FOLR3: variants seen among roughly 807,000 people sequenced by gnomAD.
FOLR3 encodes folate receptor gamma, also known as folate receptor 3 (gamma).
FOLR3 carries 9 observed loss-of-function variants against 20.0 expected under a neutral mutation model. The ratio of observed to expected loss-of-function variants is 0.45; its 90% CI spans 0.27 to 0.79. The LOEUF is 0.79. FOLR3 is among the 30% of genes least tolerant of loss of function. The probability of loss-of-function intolerance (pLI) is 0.15; values close to 1 mark genes in which losing one functional copy is unlikely to be tolerated. For synonymous variants in FOLR3, 124 were observed against 115.5 expected, an observed-to-expected ratio of 1.07 and a Z score of -0.47; for missense variants, 309 against 323.5, an observed-to-expected ratio of 0.96 and a Z score of 0.34.
chr11:72,138,451 C>A (rs1353249925), intron 2 of FOLR3, among the ~76,000 whole-genome samples: 1 of 152,108 alleles, frequency 6.6e-6, no homozygotes, highest in Non-Finnish European at 1.5e-5. Context: ...CAGACAGTGG[C>A]TCTCCCTCAT....
At chr11:72,139,289 A>G (rs1397807274) in intron 3 of FOLR3, 58 bp from the exon 4 acceptor site, 2 of 1,582,940 alleles carry the variant, frequency 1.3e-6, no homozygotes, top group African/African-American at 1.3e-5. Context: ...GTCCCCTTCA[A>G]GGGTAAAGCT....
chr11:72,136,667 G>A (rs1947746283), intron 2 of FOLR3, among the ~76,000 whole-genome samples: 1 of 152,124 alleles, frequency 6.6e-6, no homozygotes, highest in South Asian at 2.1e-4. Context: ...AAACTGAAAT[G>A]GAAACTCTGT....
At chr11:72,138,186 G>T (rs1947764348) in intron 2 of FOLR3, among the ~76,000 whole-genome samples, 2 of 152,164 alleles carry the variant, frequency 1.3e-5, no homozygotes, top group Admixed American at 1.3e-4. Context: ...GGCAAACATG[G>T]TGAACCCCCG....
Position 72,139,597 on chromosome 11 carries a change from G to T in FOLR3, c.504G>T (p.Glu168Asp). 6.2e-7 allele frequency: 1 copy of T among 1,613,846 alleles called. No homozygotes were observed. The highest frequency in any genetic ancestry group is 1.1e-5 in the South Asian group (1 of 91,064). The change falls in exon 5 of 5, where the codon GAG becomes GAT. Residue 168 changes from glutamate (E) to aspartate (D), a missense_variant. Coordinates refer to ENST00000611028, the MANE Select transcript of FOLR3 (RefSeq NM_000804.4). ...KGWNWTSGIN[E>D]CPAGALCSTF... ...GTTCTCCTCCCTCAGGGATTAATGA[G>T]TGTCCGGCCGGGGCCCTCTGCAGCA...
chr11:72,139,110 CTA>C lies in FOLR3; in HGVS notation c.320_321del (p.Tyr107Ter), dbSNP rs71891516. ...KRHFIQDSCL[Y>X]ECSPNLGPWI... ...GCCACTTTATCCAGGACAGCTGTCT[CTA>C]TGAGTGCTCACCCAACCTGGGGCCC... On this transcript the variant is annotated frameshift_variant, in exon 3 of 5. Transcript: ENST00000611028. LOFTEE classifies it high-confidence loss of function. 1,481,255 of 1,613,676 alleles carry C rather than the reference CTA, an allele frequency of 0.92. 681,325 individuals are homozygous for C. Among genetic ancestry groups the C allele is most frequent in the South Asian group, 0.95 (86,582 of 91,082 alleles).
At chr11:72,136,655 C>G (rs1160699485) in intron 2 of FOLR3, among the ~76,000 whole-genome samples, 1 of 152,138 alleles carries the variant, frequency 6.6e-6, no homozygotes, top group African/African-American at 2.4e-5. Flanking sequence ...TTTCATTCTC[C>G]AAAACTGAAA....
chr11:72,137,587 G>A (rs1947757499), intron 2 of FOLR3, among the ~76,000 whole-genome samples: 1 of 151,862 alleles, frequency 6.6e-6, no homozygotes, highest in South Asian at 2.1e-4. Context: ...TGCCTCCTGG[G>A]TTCAAGTGAT....
In FOLR3 at chr11:72,139,687, G is replaced by A. The variant is rs34970007; in HGVS notation, c.594G>A (p.Lys198=). 5.0e-3 allele frequency: 8,132 copies of A among 1,613,740 alleles called. 349 individuals carry two copies. In the African/African-American group the frequency reaches 0.098, roughly 19 times the overall value. ...LCEGLWSHSF[K]VSNYSRGSGR... ...AAGGCCTCTGGAGCCACTCCTTCAA[G>A]GTCAGCAACTATAGTCGAGGGAGCG... The change falls in exon 5 of 5, where the codon AAG becomes AAA. Residue 198 remains lysine (K), a synonymous_variant. Transcript: ENST00000611028.
chr11:72,139,095 C>T lies in FOLR3; in HGVS notation c.303C>T (p.Ile101=). 1 of 1,525,976 alleles carries T rather than the reference C, an allele frequency of 6.6e-7. No homozygotes were observed. The highest frequency in any genetic ancestry group is 8.8e-7 in the Non-Finnish European group (1 of 1,139,170). The allele number at this position is 1,525,976 out of a possible 1,614,324, so 94.5% of individuals were successfully genotyped here. A position where few individuals can be genotyped will look rare whatever the true frequency, so the allele number is the denominator to read the frequency against. The change falls in exon 3 of 5, where the codon ATC becomes ATT. Residue 101 remains isoleucine (I), a synonymous_variant. Transcript: ENST00000611028. ...AACCCACCTGCAAGCGCCACTTTAT[C>T]CAGGACAGCTGTCTCTATGAGTGCT... ...KMEPTCKRHF[I]QDSCLYECSP...
Position 72,139,147 on chromosome 11 carries a change from C to G in FOLR3, c.355C>G (p.Gln119Glu). 1.2e-6 allele frequency: 2 copies of G among 1,611,904 alleles called. No individual in the cohort carries two copies. The highest frequency in any genetic ancestry group is 2.2e-5 in the South Asian group (2 of 90,766). The change falls in exon 3 of 5, where the codon CAG (glutamine) becomes GAG (glutamate). Residue 119 changes from glutamine (Q) to glutamate (E), a missense_variant and splice_region_variant. Gln to Glu is a conservative substitution (Grantham distance 29, BLOSUM62 2). Transcript: ENST00000611028. ...ACCCAACCTGGGGCCCTGGATCCGGCAGGTATGAGTGCTGTTCCCACAAAC... is the reference window on the plus strand; with the variant it reads ...ACCCAACCTGGGGCCCTGGATCCGGGAGGTATGAGTGCTGTTCCCACAAAC... ...CSPNLGPWIR[Q>E]VNQSWRKERI... is the part of the protein sequence containing the mutation.
At chr11:72,138,870 C>G in intron 2 of FOLR3, 91 bp from the exon 3 acceptor site, 6 of 1,521,174 alleles carry the variant, frequency 3.9e-6, no homozygotes, top group Non-Finnish European at 5.4e-6. Flanking sequence ...GGAAGTGTTC[C>G]TCTGGATGAC....
Position 72,139,358 on chromosome 11 carries a change from C to G in FOLR3, c.369C>G (p.Ser123Arg). 1 of 1,611,568 alleles carries G rather than the reference C, an allele frequency of 6.2e-7. No individual in the cohort carries two copies. Among genetic ancestry groups the G allele is most frequent in the Non-Finnish European group, 8.5e-7 (1 of 1,178,698 alleles). Residue 123 changes from serine (S) to arginine (R), a missense_variant, in exon 4 of 5, where the codon AGC becomes AGG. Ser to Arg is a moderately radical substitution (Grantham distance 110, BLOSUM62 -1). Coordinates refer to ENST00000611028, the MANE Select transcript of FOLR3 (RefSeq NM_000804.4). ...LGPWIRQVNQ[S>R]WRKERILNVP... ...TCCTCCCCACTCAGGTCAACCAGAG[C>G]TGGCGCAAAGAGCGCATTCTGAACG...
chr11:72,138,909 G>A (rs1255579326), intron 2 of FOLR3, 52 bp from the exon 3 acceptor site: 3 of 1,595,038 alleles, frequency 1.9e-6, no homozygotes, highest in South Asian at 1.1e-5. Flanking sequence ...CCAGAATATG[G>A]AGGAGATGGC....
At chr11:72,138,617 CTT>C (rs1947770100) in intron 2 of FOLR3, among the ~76,000 whole-genome samples, 1 of 151,486 alleles carries the variant, frequency 6.6e-6, no homozygotes. Context: ...TACAAAAATA[CTT>C]TATATTAGCC....
rs1310494244 is a variant in FOLR3, at chr11:72,139,398, G to C, written c.409G>C (p.Glu137Gln). 2 of 1,612,048 alleles carry C rather than the reference G, an allele frequency of 1.2e-6. No homozygotes were observed. Among genetic ancestry groups the C allele is most frequent in the South Asian group, 2.2e-5 (2 of 90,830 alleles). Residue 137 changes from glutamate (E) to glutamine (Q), a missense_variant, in exon 4 of 5, where the codon GAG (glutamate) becomes CAG (glutamine). Transcript: ENST00000611028. ...CATTCTGAACGTGCCCCTGTGCAAAGAGGACTGTGAGCGCTGGTGGGAGGA... is the reference window on the plus strand; with the variant it reads ...CATTCTGAACGTGCCCCTGTGCAAACAGGACTGTGAGCGCTGGTGGGAGGA... ...ERILNVPLCK[E>Q]DCERWWEDCR...
rs1001587689 is a variant in FOLR3, at chr11:72,139,366, A to G, written c.377A>G (p.Lys126Arg). The G allele has an allele frequency of 1.2e-6, 2 of 1,611,938 alleles. No homozygotes were observed. The highest frequency in any genetic ancestry group is 1.7e-5 in the Admixed American group (1 of 59,614). ...WIRQVNQSWR[K>R]ERILNVPLCK... ...ACTCAGGTCAACCAGAGCTGGCGCA[A>G]AGAGCGCATTCTGAACGTGCCCCTG... The change falls in exon 4 of 5, where the codon AAA becomes AGA. Residue 126 changes from lysine (K) to arginine (R), a missense_variant. By Grantham distance (26) the Lys-to-Arg change is conservative. Coordinates refer to ENST00000611028, the MANE Select transcript of FOLR3 (RefSeq NM_000804.4).
In FOLR3 at chr11:72,138,076, C is replaced by T. The variant is rs990721504; in HGVS notation, c.169-885C>T. 2.0e-5 allele frequency among the ~76,000 whole-genome samples: 3 copies of T among 152,122 alleles called. No homozygotes were observed. In the South Asian group the frequency reaches 6.2e-4, roughly 32 times the overall value. The stretch of plus-strand genomic sequence containing the variant: ...TGAATAATATAAATAAGCTGAATAA[C>T]ATGAAATAGGCCGAACGCGGTGACT... On this transcript the variant is annotated intron_variant, in intron 2 of 4. Transcript: ENST00000611028.
At chr11:72,139,254 C>T (rs908118299) in intron 3 of FOLR3, 93 bp from the exon 4 acceptor site, 60 of 1,547,486 alleles carry the variant, frequency 3.9e-5, no homozygotes, top group Admixed American at 7.7e-5. Context: ...GGGTGGTGGA[C>T]GCCCTGCCCC....
chr11:72,139,690 C>G lies in FOLR3; in HGVS notation c.597C>G (p.Val199=). The G allele has an allele frequency of 6.2e-7, 1 of 1,613,798 alleles. No homozygotes were observed. Among genetic ancestry groups the G allele is most frequent in the Non-Finnish European group, 8.5e-7 (1 of 1,179,946 alleles). The stretch of plus-strand genomic sequence containing the variant: ...GCCTCTGGAGCCACTCCTTCAAGGT[C>G]AGCAACTATAGTCGAGGGAGCGGCC... ...CEGLWSHSFK[V]SNYSRGSGRC... Residue 199 remains valine (V), a synonymous_variant, in exon 5 of 5, where the codon GTC becomes GTG. Transcript: ENST00000611028.
Sources: allele counts gnomAD v4.1 joint callset (sites outside exome capture counted in the v4.1 genomes callset), GRCh38; gene constraint gnomAD v4.1.1; transcripts MANE v1.5; gene names NCBI Gene and HGNC (gene_info 2026-07-23, HGNC 2026-07-21).